Variants in RPTOR observed in about 807,000 individuals in gnomAD.
The protein encoded by RPTOR is regulatory-associated protein of mTOR.
RPTOR carries 21 observed loss-of-function variants against 169.9 expected under a neutral mutation model. The observed-to-expected ratio is 0.12, with a 90% CI of 0.09 to 0.18. RPTOR has a LOEUF of 0.18. Ranked by LOEUF, RPTOR falls within the 10% of genes least tolerant of loss-of-function variation. The pLI is 1.00. For synonymous variants in RPTOR, 732 were observed against 753.2 expected (o/e 0.97, Z 0.46); for missense variants, 1,133 against 1,855.9 (o/e 0.61, Z 7.16).
At chr17:80,589,782 C>T (rs970534414) in intron 1 of RPTOR, among the ~76,000 whole-genome samples, 1 of 152,012 alleles carries the variant, frequency 6.6e-6, no homozygotes, top group Non-Finnish European at 1.5e-5. Flanking sequence ...ATCCAGCAAC[C>T]TTACAGAATA....
chr17:80,760,928 G>C (rs2066731035), intron 6 of RPTOR, among the ~76,000 whole-genome samples: 2 of 152,214 alleles, frequency 1.3e-5, no homozygotes, highest in South Asian at 4.1e-4. Flanking sequence ...TGTGTACTTG[G>C]TGGCAAGCGT....
chr17:80,941,013 G>C (rs947650889), intron 25 of RPTOR, among the ~76,000 whole-genome samples: 1 of 152,184 alleles, frequency 6.6e-6, no homozygotes, highest in Non-Finnish European at 1.5e-5. Context: ...CTCCCCACCC[G>C]GACAGGTGTC....
chr17:80,823,327 T>C lies in RPTOR; in HGVS notation c.1136+104T>C. 8 of 1,412,304 alleles carry C rather than the reference T, an allele frequency of 5.7e-6. No homozygotes were observed. Among genetic ancestry groups the C allele is most frequent in the Non-Finnish European group, 6.7e-6 (7 of 1,044,834 alleles). 87.5% of individuals were successfully genotyped at this position (1,412,304 alleles called of 1,614,324 possible). On this transcript the variant is annotated intron_variant, in intron 9 of 33. Coordinates refer to ENST00000306801, the MANE Select transcript of RPTOR (RefSeq NM_020761.3). This position sits in a 1 kb window ranked among gnomAD's most constrained non-coding sequence, Gnocchi z 4.5. ...TGGGCAGGGAGGCCCCACACCTAAC[T>C]TGGGGACCCCGTGTAGCATTAACAA...
rs775365444 is a variant in RPTOR at position 80,908,335 on chromosome 17, GA to G, written c.2402-475del. 1.7e-4 allele frequency among the ~76,000 whole-genome samples: 26 copies of G among 152,212 alleles called. 1 individual carries two copies. The highest frequency in any genetic ancestry group is 6.5e-4 in the Admixed American group (10 of 15,280). On this transcript the variant is annotated intron_variant, in intron 20 of 33. Transcript: ENST00000306801. ...CATCTCAGAGCAGGGCCAGTGCCTG[GA>G]GGTGGACAGGAAGCACGTGGAGGTG...
chr17:80,945,497 CAGG>C (rs1201391326), intron 25 of RPTOR, 167 bp from the exon 26 acceptor site: 2 of 445,620 alleles, frequency 4.5e-6, no homozygotes, highest in African/African-American at 4.2e-5. Flanking sequence ...GAGGCTGAGG[CAGG>C]AGAATGGTGT....
At chr17:80,732,553 A>T (rs2066401666) in intron 5 of RPTOR, among the ~76,000 whole-genome samples, 1 of 152,236 alleles carries the variant, frequency 6.6e-6, no homozygotes, top group African/African-American at 2.4e-5. Context: ...ATCAGATGAA[A>T]AATATGTTAA....
intron 4 of RPTOR, among the ~76,000 whole-genome samples, chr17:80,722,241 C>T (rs2066292794): frequency 6.6e-6 from 1 of 151,046 alleles, no homozygotes; most frequent in Non-Finnish European, 1.5e-5. Flanking sequence ...TTTTTCCCTT[C>T]TCAAATTTTT....
At chr17:80,709,914 CTCTT>C (rs1373933640) in intron 4 of RPTOR, among the ~76,000 whole-genome samples, 1 of 151,838 alleles carries the variant, frequency 6.6e-6, no homozygotes, top group Non-Finnish European at 1.5e-5. Flanking sequence ...AATTGTGTCT[CTCTT>C]CTCAGAATTT....
rs146904554 is a variant in RPTOR at position 80,938,093 on chromosome 17, G to A, written c.2920-2403G>A. 1.2e-4 allele frequency among the ~76,000 whole-genome samples: 18 copies of A among 152,366 alleles called. No individual in the cohort carries two copies. The East Asian group carries it at 3.3e-3, about 28-fold the overall frequency. On this transcript the variant is annotated intron_variant, in intron 24 of 33. Transcript: ENST00000306801. ...CCTACAGGCAGAAGCCCCTGGGCCG[G>A]GAGAGGGCCCTTGCAGTGCCGTGGC...
At chr17:80,581,768 G>A (rs1488099968) in intron 1 of RPTOR, among the ~76,000 whole-genome samples, 3 of 152,218 alleles carry the variant, frequency 2.0e-5, no homozygotes, top group Admixed American at 6.5e-5. Context: ...ACTGCACATC[G>A]GGCCTGTGGA....
At chr17:80,575,207 G>A (rs9899426) in intron 1 of RPTOR, among the ~76,000 whole-genome samples, 68,272 of 150,726 alleles carry the variant, frequency 0.45, 15,607 homozygotes, top group Middle Eastern at 0.55. Flanking sequence ...GTCTCCCTGT[G>A]TTACCCAGGC....
chr17:80,774,467 G>T (rs1018293592), intron 6 of RPTOR: 1 of 625,744 alleles, frequency 1.6e-6, no homozygotes, highest in Middle Eastern at 8.2e-4. Flanking sequence ...TTACTGATGA[G>T]GTACCAGATG....
At chr17:80,888,334 T>C (rs1295739422) in intron 17 of RPTOR, among the ~76,000 whole-genome samples, 1 of 152,174 alleles carries the variant, frequency 6.6e-6, no homozygotes, top group Non-Finnish European at 1.5e-5. Context: ...CAGGCTGGCC[T>C]CAAATTCCTG....
intron 9 of RPTOR, among the ~76,000 whole-genome samples, chr17:80,824,015 A>G (rs2067412374): frequency 6.6e-6 from 1 of 152,202 alleles, no homozygotes; most frequent in African/African-American, 2.4e-5. Flanking sequence ...GGCCAGGTTT[A>G]TTTTAGCTAG....
intron 31 of RPTOR, 49 bp downstream of exon 31, chr17:80,961,529 T>C: frequency 5.3e-6 from 8 of 1,520,836 alleles, no homozygotes; most frequent in Non-Finnish European, 7.1e-6. Flanking sequence ...AAACATTATT[T>C]TCCCCTCCAT....
At chr17:80,725,826 C>T (rs899186287) in intron 4 of RPTOR, among the ~76,000 whole-genome samples, 3 of 152,228 alleles carry the variant, frequency 2.0e-5, no homozygotes, top group Non-Finnish European at 4.4e-5. Flanking sequence ...CTGAGGGATA[C>T]AGACTTCCAA....
At chr17:80,893,636 C>A in intron 19 of RPTOR, 71 bp from the exon 20 acceptor site, 1 of 1,521,816 alleles carries the variant, frequency 6.6e-7, no homozygotes, top group Admixed American at 2.1e-5. Context: ...GTATCTCAGT[C>A]ATGCCATTAA....
At chr17:80,552,522 T>C (rs2143214763) in intron 1 of RPTOR, among the ~76,000 whole-genome samples, 1 of 152,378 alleles carries the variant, frequency 6.6e-6, no homozygotes, top group South Asian at 2.1e-4. Flanking sequence ...TGTGAGCTTT[T>C]CATCATAAAG....
intron 16 of RPTOR, among the ~76,000 whole-genome samples, chr17:80,884,429 C>T (rs1291007112): frequency 1.3e-5 from 2 of 152,206 alleles, no homozygotes; most frequent in Non-Finnish European, 2.9e-5. Context: ...TGCCTTCACT[C>T]TTCCCACCGG....
Sources: gnomAD v4.1 joint callset for allele counts (sites outside exome capture counted in the v4.1 genomes callset) on GRCh38, gnomAD v4.1.1 for gene constraint, Gnocchi (gnomAD v3.1) non-coding constraint, MANE v1.5 for transcripts, NCBI Gene and HGNC (gene_info 2026-07-23, HGNC 2026-07-21) for gene names.